Variants in SLC18A1 observed in about 807,000 individuals in gnomAD.
The protein encoded by SLC18A1 is solute carrier family 18 member A1.
A neutral mutation model predicts 53.7 loss-of-function variants in SLC18A1; 69 were observed. The ratio of observed to expected loss-of-function variants is 1.28; its 90% CI spans 1.06 to 1.57. The LOEUF (loss-of-function observed/expected upper bound fraction) is 1.57, where lower values mean the gene tolerates loss of function less well. SLC18A1 is among the 40% of genes most tolerant of loss of function. The probability of loss-of-function intolerance (pLI) is 0.00; values close to 1 mark genes in which losing one functional copy is unlikely to be tolerated. For synonymous variants in SLC18A1, 320 were observed against 248.1 expected, an observed-to-expected ratio of 1.29 and a Z score of -2.72; for missense variants, 932 against 668.1, an observed-to-expected ratio of 1.40 and a Z score of -4.35.
At chr8:20,164,771 A>G in intron 10 of SLC18A1, 98 bp downstream of exon 10, 2 of 910,614 alleles carry the variant, frequency 2.2e-6, no homozygotes, top group Non-Finnish European at 3.4e-6. Context: ...GTCATTCTAC[A>G]AAGGAAGCAT....
At chr8:20,180,785 C>G (rs2072405095) in intron 2 of SLC18A1, 56 bp downstream of exon 2, 8 of 1,606,744 alleles carry the variant, frequency 5.0e-6, no homozygotes, top group Non-Finnish European at 6.8e-6. Flanking sequence ...AGGGTGTACA[C>G]TGCCTGCTGG....
Position 20,147,583 on chromosome 8 carries a change from A to G in SLC18A1, c.1330+20T>C, listed in dbSNP as rs2071433102. On this transcript the variant is annotated intron_variant, in intron 14 of 15. Coordinates refer to ENST00000276373, the MANE Select transcript of SLC18A1 (RefSeq NM_003053.4). The stretch of plus-strand genomic sequence containing the variant: ...AAGAGTAGACAGGGGAAAGTGGGGC[A>G]CCAGGTCCTGCCAACATACCTATAG... 1 of 1,613,698 alleles carries G rather than the reference A, an allele frequency of 6.2e-7. No individual in the cohort carries two copies.
rs2071921514 is a variant in SLC18A1, at chr8:20,165,024, A to C, written c.919+23T>G. 4.3e-6 allele frequency: 7 copies of C among 1,613,858 alleles called. No homozygotes were observed. In the South Asian group the frequency reaches 7.7e-5, roughly 18 times the overall value. ...TTGAAGCCCAGACACTCCCCGCCCA[A>C]TGGGAGGTCATCGCCAGCTTACCTG... On this transcript the variant is annotated intron_variant, in intron 9 of 15. Coordinates refer to ENST00000276373, the MANE Select transcript of SLC18A1 (RefSeq NM_003053.4).
chr8:20,173,084 C>G lies in SLC18A1; in HGVS notation c.676G>C (p.Gly226Arg). 8 of 1,584,054 alleles carry G rather than the reference C, an allele frequency of 5.1e-6. No homozygotes were observed. The highest frequency in any genetic ancestry group is 6.9e-6 in the Non-Finnish European group (8 of 1,166,032). ...ASVYTDDHER[G>R]RAMGTALGGL... ...CCCAGAGCAGTTCCCATGGCTCGTC[C>G]TCTCTCATGGTCATCAGTGTAGACA... is the stretch of plus-strand genomic sequence containing the variant. The change falls in exon 6 of 16, where the codon GGA (glycine) becomes CGA (arginine). Residue 226 changes from glycine (G) to arginine (R), a missense_variant. By Grantham distance (125) the Gly-to-Arg change is moderately radical (BLOSUM62 -2). Coordinates refer to ENST00000276373, the MANE Select transcript of SLC18A1 (RefSeq NM_003053.4).
At chr8:20,146,685 A>G (rs900686951) in intron 15 of SLC18A1, among the ~76,000 whole-genome samples, 5 of 152,134 alleles carry the variant, frequency 3.3e-5, no homozygotes, top group African/African-American at 1.2e-4. Flanking sequence ...TTAGCCAGAC[A>G]TGGTGGTACA....
chr8:20,160,255 T>C lies in SLC18A1; in HGVS notation c.1015+4614A>G, dbSNP rs373823426. Among the ~76,000 whole-genome samples the C allele has an allele frequency of 5.4e-5, 8 of 148,422 alleles. No homozygotes were observed. The South Asian group carries it at 1.8e-3, about 33-fold the overall frequency. ...AATTAAAACTACTCAATTGTTTATCTAGTATGTGGAAGTAAGCACCTCTAG... is the reference window on the plus strand; with the variant it reads ...AATTAAAACTACTCAATTGTTTATCCAGTATGTGGAAGTAAGCACCTCTAG... On this transcript the variant is annotated intron_variant, in intron 10 of 15. Transcript: ENST00000276373.
intron 1 of SLC18A1, chr8:20,181,728 G>A (rs1168556749): frequency 6.6e-6 from 1 of 152,146 alleles, no homozygotes; most frequent in Non-Finnish European, 1.5e-5. Context: ...TGCCCACTGA[G>A]AAACACTGAT....
intron 8 of SLC18A1, among the ~76,000 whole-genome samples, chr8:20,169,378 C>T (rs2072052937): frequency 6.6e-6 from 1 of 151,982 alleles, no homozygotes; most frequent in African/African-American, 2.4e-5. Flanking sequence ...TTGACACAAT[C>T]AGAGTAGGCA....
chr8:20,151,588 A>G (rs2071555552), intron 10 of SLC18A1, among the ~76,000 whole-genome samples: 1 of 152,164 alleles, frequency 6.6e-6, no homozygotes, highest in Admixed American at 6.5e-5. Context: ...CCGGGTTACA[A>G]TGTGGAGCAA....
At chr8:20,166,759 CTG>C (rs1288661927) in intron 8 of SLC18A1, among the ~76,000 whole-genome samples, 39 of 152,074 alleles carry the variant, frequency 2.6e-4, no homozygotes, top group Admixed American at 2.4e-3. Context: ...CCTAATATGA[CTG>C]TGTTTGGAGA....
chr8:20,156,082 G>C (rs73669730), intron 10 of SLC18A1, among the ~76,000 whole-genome samples: 1 of 152,268 alleles, frequency 6.6e-6, no homozygotes, highest in East Asian at 1.9e-4. Flanking sequence ...ACTGGAACTG[G>C]GCCTGCGACA....
In SLC18A1 at chr8:20,150,756, C is replaced by T. The variant is rs17215717; in HGVS notation, c.1016-12G>A. On this transcript the variant is annotated splice_polypyrimidine_tract_variant and intron_variant, in intron 10 of 15. Coordinates refer to ENST00000276373, the MANE Select transcript of SLC18A1 (RefSeq NM_003053.4). ...CAAGAAAGCTAGACCTGTGGAAGGA[C>T]ACAGATCCTTACCTTAGGACATGTC... is the stretch of plus-strand genomic sequence containing the variant. 6.2e-7 allele frequency: 1 copy of T among 1,611,762 alleles called. No homozygotes were observed. Among genetic ancestry groups the T allele is most frequent in the Non-Finnish European group, 8.5e-7 (1 of 1,177,820 alleles).
At chr8:20,157,572 G>T (rs2071714790) in intron 10 of SLC18A1, among the ~76,000 whole-genome samples, 1 of 152,162 alleles carries the variant, frequency 6.6e-6, no homozygotes, top group African/African-American at 2.4e-5. Flanking sequence ...AAATCCTACT[G>T]CCTTTCTGGA....
chr8:20,173,087 TC>T lies in SLC18A1; in HGVS notation c.672del (p.Arg225GlufsTer25). On this transcript the variant is annotated frameshift_variant, in exon 6 of 16. Coordinates refer to ENST00000276373, the MANE Select transcript of SLC18A1 (RefSeq NM_003053.4). LOFTEE classifies it high-confidence loss of function. ...AGAGCAGTTCCCATGGCTCGTCCTC[TC>T]TCATGGTCATCAGTGTAGACACTGG... ...MLASVYTDDH[E>X]RGRAMGTALG... 2 of 1,582,790 alleles carry T rather than the reference TC, an allele frequency of 1.3e-6. No homozygotes were observed. Among genetic ancestry groups the T allele is most frequent in the Non-Finnish European group, 1.7e-6 (2 of 1,165,400 alleles).
Position 20,161,582 on chromosome 8 carries a change from C to T in SLC18A1, c.1015+3287G>A, listed in dbSNP as rs79170431. ...ATCCGTGAGGAGTCCTAGAACCACT[C>T]TCCTATGCACACCAAGGGATAATTT... is the stretch of plus-strand genomic sequence containing the variant. On this transcript the variant is annotated intron_variant, in intron 10 of 15. Coordinates refer to ENST00000276373, the MANE Select transcript of SLC18A1 (RefSeq NM_003053.4). Among the ~76,000 whole-genome samples the T allele has an allele frequency of 3.1e-3, 470 of 152,276 alleles. 6 individuals carry two copies. The highest frequency in any genetic ancestry group is 0.011 in the African/African-American group (459 of 41,546).
chr8:20,149,871 TTTG>T, intron 11 of SLC18A1, 144 bp from the exon 12 acceptor site: 3 of 691,776 alleles, frequency 4.3e-6, no homozygotes. Flanking sequence ...ACATGACCAG[TTTG>T]TACCCAAATG....
intron 10 of SLC18A1, among the ~76,000 whole-genome samples, chr8:20,152,123 A>T (rs547271652): frequency 1.3e-4 from 20 of 152,312 alleles, no homozygotes; most frequent in African/African-American, 4.6e-4. Context: ...AGAGCACTTC[A>T]AGCAGAAAAT....
intron 10 of SLC18A1, among the ~76,000 whole-genome samples, chr8:20,161,554 G>T (rs1274875015): frequency 6.6e-6 from 1 of 152,082 alleles, no homozygotes; most frequent in Non-Finnish European, 1.5e-5. Context: ...CTTTGAGTTT[G>T]GTATCCGTGA....
At chr8:20,154,669 G>C (rs2071638380) in intron 10 of SLC18A1, among the ~76,000 whole-genome samples, 1 of 152,226 alleles carries the variant, frequency 6.6e-6, no homozygotes, top group South Asian at 2.1e-4. Flanking sequence ...TAGGATGCTT[G>C]CTGATGACAA....
Sources: allele counts gnomAD v4.1 joint callset (sites outside exome capture counted in the v4.1 genomes callset), GRCh38; gene constraint gnomAD v4.1.1; transcripts MANE v1.5; gene names NCBI Gene and HGNC (gene_info 2026-07-23, HGNC 2026-07-21).